The following CDH13 variants were observed in gnomAD, a reference collection of about 807,000 sequenced individuals.
CDH13 encodes the protein cadherin-13.
A neutral mutation model predicts 63.8 loss-of-function variants in CDH13; 24 were observed. The ratio of observed to expected loss-of-function variants is 0.38; its 90% confidence interval spans 0.27 to 0.53. The LOEUF is 0.53. Ranked by LOEUF, CDH13 falls within the 20% of genes least tolerant of loss-of-function variation. The pLI is 0.85. For synonymous variants in CDH13, 503 were observed against 355.3 expected (o/e 1.42, Z -4.67); for missense variants, 1,049 against 903.1 (o/e 1.16, Z -2.07).
chr16:83,775,961 G>A (rs1281280310), intron 11 of CDH13, among the ~76,000 whole-genome samples: 3 of 152,274 alleles, frequency 2.0e-5, no homozygotes, highest in East Asian at 1.9e-4. Context: ...ATGGGCTTGT[G>A]AGGAATTTTG....
intron 6 of CDH13, among the ~76,000 whole-genome samples, chr16:83,350,482 A>C (rs1271505097): frequency 6.6e-6 from 1 of 152,220 alleles, no homozygotes; most frequent in Non-Finnish European, 1.5e-5. Context: ...AGAGATTAGC[A>C]GTTACGTCCT....
intron 4 of CDH13, among the ~76,000 whole-genome samples, chr16:83,174,686 C>G (rs9927051): frequency 0.18 from 27,978 of 151,932 alleles, 3,759 homozygotes; most frequent in African/African-American, 0.37. Context: ...TGTTTTCACA[C>G]TTCTATAAAG....
At chr16:83,206,081 G>T (rs535799475) in intron 4 of CDH13, among the ~76,000 whole-genome samples, 8 of 152,222 alleles carry the variant, frequency 5.3e-5, no homozygotes, top group African/African-American at 1.9e-4. Context: ...GGAAGGACAG[G>T]CATGAAAGGG....
chr16:83,425,513 G>A (rs1263075983), intron 6 of CDH13, among the ~76,000 whole-genome samples: 8 of 152,198 alleles, frequency 5.3e-5, no homozygotes, highest in Admixed American at 3.9e-4. Context: ...TTATGCTACC[G>A]CATCTCCACC....
At chr16:83,108,093 T>A (rs1367882966) in intron 3 of CDH13, among the ~76,000 whole-genome samples, 3 of 152,132 alleles carry the variant, frequency 2.0e-5, no homozygotes, top group Non-Finnish European at 4.4e-5. Flanking sequence ...AGTGCTGGGA[T>A]TACAGACATG....
At chr16:82,765,841 A>G (rs998490254) in intron 1 of CDH13, among the ~76,000 whole-genome samples, 3 of 152,140 alleles carry the variant, frequency 2.0e-5, no homozygotes, top group Non-Finnish European at 2.9e-5. Context: ...GTTCTTGGAT[A>G]TTGGTTTCTT....
rs184365478 is a variant in CDH13 at position 83,622,014 on chromosome 16, T to C, written c.1101+19420T>C. Among the ~76,000 whole-genome samples the C allele has an allele frequency of 3.0e-4, 45 of 152,314 alleles. 1 individual carries two copies. In the East Asian group the frequency reaches 3.3e-3, roughly 11 times the overall value. On this transcript the variant is annotated intron_variant, in intron 8 of 13. Coordinates refer to ENST00000567109, the MANE Select transcript of CDH13 (RefSeq NM_001257.5). ...TATTTTGATAGGTCCAATGGGAAAA[T>C]ATACTAATCATTTCTTATGAGCAAA...
At chr16:83,063,558 A>C (rs2151527848) in intron 3 of CDH13, among the ~76,000 whole-genome samples, 1 of 152,360 alleles carries the variant, frequency 6.6e-6, no homozygotes, top group South Asian at 2.1e-4. Context: ...ATTTAGCTGA[A>C]GATATAGCTG....
chr16:82,792,215 G>C (rs1189940146), intron 1 of CDH13, among the ~76,000 whole-genome samples: 1 of 152,038 alleles, frequency 6.6e-6, no homozygotes, highest in East Asian at 1.9e-4. Flanking sequence ...TGCTGTCCTG[G>C]CATCCCGGGA....
chr16:82,834,883 T>C (rs912811131), intron 1 of CDH13, among the ~76,000 whole-genome samples: 2 of 152,236 alleles, frequency 1.3e-5, no homozygotes, highest in Non-Finnish European at 2.9e-5. Context: ...CTTAAATGCT[T>C]ATATAATGGC....
intron 5 of CDH13, among the ~76,000 whole-genome samples, chr16:83,220,121 G>C (rs1567516598): frequency 6.6e-6 from 1 of 152,170 alleles, no homozygotes; most frequent in Non-Finnish European, 1.5e-5. Context: ...CCTACTTTCT[G>C]ATGCCGTTTC....
intron 7 of CDH13, among the ~76,000 whole-genome samples, chr16:83,574,613 T>C (rs1003373381): frequency 2.0e-5 from 3 of 152,176 alleles, no homozygotes; most frequent in South Asian, 2.1e-4. Context: ...GTGTCCTCAT[T>C]TGCATCACAG....
At chr16:82,783,712 G>T (rs2035872616) in intron 1 of CDH13, among the ~76,000 whole-genome samples, 1 of 152,170 alleles carries the variant, frequency 6.6e-6, no homozygotes, top group Non-Finnish European at 1.5e-5. Flanking sequence ...ATTGCTTTGG[G>T]AAGTCCTCCC....
At chr16:82,673,117 T>C (rs990364222) in intron 1 of CDH13, among the ~76,000 whole-genome samples, 3 of 148,854 alleles carry the variant, frequency 2.0e-5, no homozygotes, top group African/African-American at 7.4e-5. Flanking sequence ...GCTGGGATTA[T>C]AGGCATCAGT....
At chr16:83,790,217 G>A (rs951380757) in intron 13 of CDH13, 2 of 152,190 alleles carry the variant, frequency 1.3e-5, no homozygotes, top group African/African-American at 4.8e-5. Context: ...TACAGAAAAG[G>A]ATAATAACAA....
intron 10 of CDH13, among the ~76,000 whole-genome samples, chr16:83,703,458 AT>A (rs1323720178): frequency 6.6e-6 from 1 of 152,256 alleles, no homozygotes; most frequent in Non-Finnish European, 1.5e-5. Flanking sequence ...AGTGATTAAA[AT>A]TTTTGAAGCC....
chr16:83,126,632 G>A (rs1351256264), intron 4 of CDH13, among the ~76,000 whole-genome samples: 1 of 152,158 alleles, frequency 6.6e-6, no homozygotes, highest in Non-Finnish European at 1.5e-5. Context: ...AAGGGACAAG[G>A]AAGTTGATCT....
chr16:83,221,805 T>C (rs2039709611), intron 5 of CDH13, among the ~76,000 whole-genome samples: 1 of 152,042 alleles, frequency 6.6e-6, no homozygotes, highest in Admixed American at 6.6e-5. Context: ...TAACTGGGAA[T>C]GTCAGAGCTG....
At chr16:82,921,460 C>T (rs766116249) in intron 2 of CDH13, among the ~76,000 whole-genome samples, 4 of 152,114 alleles carry the variant, frequency 2.6e-5, no homozygotes, top group Non-Finnish European at 5.9e-5. Flanking sequence ...TATAAGAAAA[C>T]AGTGCTGGCA....
Sources: allele counts gnomAD v4.1 joint callset (sites outside exome capture counted in the v4.1 genomes callset), GRCh38; gene constraint gnomAD v4.1.1; transcripts MANE v1.5; gene names NCBI Gene and HGNC (gene_info 2026-07-23, HGNC 2026-07-21).